STK3: variants seen among roughly 807,000 people sequenced by gnomAD.
STK3 encodes serine/threonine-protein kinase 3.
Under a neutral mutation model 58.0 loss-of-function variants are expected in STK3, and 41 were observed. The observed-to-expected ratio is 0.71, with a 90% confidence interval of 0.55 to 0.92. The LOEUF is 0.92. STK3 is among the 40% of genes least tolerant of loss of function. The pLI is 0.00. For missense variants in STK3, 479 were observed against 602.7 expected (o/e 0.79, Z 2.15); for synonymous variants, 170 against 191.0 (o/e 0.89, Z 0.91).
chr8:98,444,227 C>G (rs761697332), intron 1 of STK3, among the ~76,000 whole-genome samples: 2 of 152,154 alleles, frequency 1.3e-5, no homozygotes, highest in Non-Finnish European at 2.9e-5. Context: ...CTGAGCTAAG[C>G]TGAAAGGATG....
At chr8:98,804,268 C>T (rs200992831) in intron 1 of STK3, among the ~76,000 whole-genome samples, 20 of 152,320 alleles carry the variant, frequency 1.3e-4, no homozygotes, top group African/African-American at 4.6e-4. Flanking sequence ...TCCCAAAGTG[C>T]TGGGATTACA....
intron 1 of STK3, among the ~76,000 whole-genome samples, chr8:98,798,122 T>C (rs1206065652): frequency 6.6e-6 from 1 of 152,176 alleles, no homozygotes; most frequent in Non-Finnish European, 1.5e-5. Context: ...GGCAGCACTA[T>C]ACTAACAAAT....
the STK3 span, among the ~76,000 whole-genome samples, chr8:98,361,293 C>A: frequency 2.0e-5 from 3 of 151,870 alleles, no homozygotes; most frequent in African/African-American, 7.2e-5. Context: ...GTGGTAGCTG[C>A]AGAAAAAAAA....
At chr8:98,844,714 C>A (rs1269560709) in intron 3 of STK3, among the ~76,000 whole-genome samples, 1 of 152,180 alleles carries the variant, frequency 6.6e-6, no homozygotes, top group Non-Finnish European at 1.5e-5. Context: ...TATCCTCCTG[C>A]CTCAGCCTCC....
In STK3 at chr8:98,858,290, G is replaced by GTA. The variant is rs71572027; in HGVS notation, c.110+25355_110+25356dup. On this transcript the variant is annotated intron_variant, in intron 3 of 12. Transcript: ENST00000523601. ...CCAGCTACAGTATATACATACATAC[G>GTA]TATATATATATATATATATATATAT... Among the ~76,000 whole-genome samples the GTA allele has an allele frequency of 7.4e-3, 253 of 34,362 alleles. 10 individuals are homozygous for GTA. The highest frequency in any genetic ancestry group is 0.02 in the Admixed American group (38 of 1,858). The allele number at this position is 34,362 out of a possible 152,430, so 22.5% of individuals were successfully genotyped here.
chr8:98,467,121 G>A lies in STK3; in HGVS notation c.1318-11121C>T, dbSNP rs1436182150. On this transcript the variant is annotated intron_variant, in intron 10 of 10. Transcript: ENST00000419617. ...TCTACAGATTCAGCTAGCTCAGTAA[G>A]CACCTTGCTGGGGTACCAGGTAACC... Among the ~76,000 whole-genome samples the A allele has an allele frequency of 1.8e-4, 27 of 152,154 alleles. 1 individual carries two copies. Among genetic ancestry groups the A allele is most frequent in the Admixed American group, 1.8e-3 (27 of 15,276 alleles).
intron 9 of STK3, among the ~76,000 whole-genome samples, chr8:98,542,373 C>G (rs1810360383): frequency 6.6e-6 from 1 of 152,160 alleles, no homozygotes; most frequent in Admixed American, 6.5e-5. Flanking sequence ...CAGGAGATGC[C>G]AAGTGCGCTG....
chr8:98,544,776 G>A (rs1393583567), intron 9 of STK3, among the ~76,000 whole-genome samples: 1 of 151,896 alleles, frequency 6.6e-6, no homozygotes, highest in Non-Finnish European at 1.5e-5. Flanking sequence ...TGTGGCAGAG[G>A]AGATTTATAC....
chr8:98,548,741 C>A (rs574139039), intron 8 of STK3, among the ~76,000 whole-genome samples: 3 of 152,120 alleles, frequency 2.0e-5, no homozygotes, highest in Non-Finnish European at 4.4e-5. Context: ...CCAGCCCTGG[C>A]AACCTCTATT....
chr8:98,394,861 C>G (rs1391784551), intron 3 of STK3, among the ~76,000 whole-genome samples: 1 of 152,250 alleles, frequency 6.6e-6, no homozygotes. Context: ...TGCTCACTCC[C>G]CTTGCCACAG....
chr8:98,773,554 T>C (rs1831456512), intron 2 of STK3, among the ~76,000 whole-genome samples: 1 of 151,856 alleles, frequency 6.6e-6, no homozygotes, highest in African/African-American at 2.4e-5. Context: ...AGGCCAGGAG[T>C]TGAAGACCAG....
chr8:98,783,325 A>C (rs1271607914), intron 1 of STK3, among the ~76,000 whole-genome samples: 1 of 152,242 alleles, frequency 6.6e-6, no homozygotes, highest in Non-Finnish European at 1.5e-5. Flanking sequence ...TTTGAGGTGA[A>C]GGATACCCAC....
chr8:98,650,850 G>A (rs530141983), intron 6 of STK3, among the ~76,000 whole-genome samples: 109 of 152,316 alleles, frequency 7.2e-4, no homozygotes, highest in African/African-American at 2.4e-3. Context: ...CTCCAACTGG[G>A]TAGCACCCAC....
chr8:98,656,726 T>G (rs929741013), intron 6 of STK3, among the ~76,000 whole-genome samples: 1 of 152,140 alleles, frequency 6.6e-6, no homozygotes, highest in Non-Finnish European at 1.5e-5. Flanking sequence ...TCTATCATTA[T>G]CCATTGGGAT....
intron 6 of STK3, among the ~76,000 whole-genome samples, chr8:98,634,110 A>C (rs540634421): frequency 1.3e-5 from 2 of 152,300 alleles, no homozygotes; most frequent in South Asian, 4.1e-4. Context: ...GGAACTGGTG[A>C]ATAATGAAAA....
At chr8:98,708,384 T>C (rs1238310792) in intron 4 of STK3, among the ~76,000 whole-genome samples, 1 of 152,152 alleles carries the variant, frequency 6.6e-6, no homozygotes, top group Non-Finnish European at 1.5e-5. Context: ...AGGCTTGCAA[T>C]GAATCTTCTG....
At chr8:98,750,412 A>AT (rs1829896048) in intron 3 of STK3, among the ~76,000 whole-genome samples, 1 of 151,894 alleles carries the variant, frequency 6.6e-6, no homozygotes, top group African/African-American at 2.4e-5. Context: ...AACAGTAGCC[A>AT]TTTTGCTGGG....
At chr8:98,545,794 G>A (rs1422953280) in intron 9 of STK3, among the ~76,000 whole-genome samples, 1 of 152,100 alleles carries the variant, frequency 6.6e-6, no homozygotes, top group Non-Finnish European at 1.5e-5. Context: ...AGCAAATGTG[G>A]CTTTGACTGA....
intron 9 of STK3, among the ~76,000 whole-genome samples, chr8:98,539,620 C>G (rs958070852): frequency 2.6e-5 from 4 of 152,082 alleles, no homozygotes; most frequent in Non-Finnish European, 4.4e-5. Flanking sequence ...TATGCATATA[C>G]AGGTAAGACA....
Sources: allele counts gnomAD v4.1 joint callset (sites outside exome capture counted in the v4.1 genomes callset), GRCh38; gene constraint gnomAD v4.1.1; transcripts MANE v1.5; gene names NCBI Gene and HGNC (gene_info 2026-07-23, HGNC 2026-07-21).